CSMD3: variants seen among roughly 807,000 people sequenced by gnomAD.
The protein encoded by CSMD3 is CUB and Sushi multiple domains 3, also known as CUB and sushi domain-containing protein 3.
In CSMD3, 177 loss-of-function variants were observed where a neutral mutation model predicts 435.2. The observed-to-expected ratio is 0.41, with a 90% CI of 0.36 to 0.46. The LOEUF (loss-of-function observed/expected upper bound fraction) is 0.46. Among genes scored for constraint, CSMD3 ranks in the 20% least tolerant of loss-of-function variants. The probability of loss-of-function intolerance (pLI) is 0.34; values close to 1 mark genes in which losing one functional copy is unlikely to be tolerated. For missense variants in CSMD3, 4,265 were observed against 4,504.6 expected, an observed-to-expected ratio of 0.95 and a Z score of 1.52; for synonymous variants, 1,656 against 1,520.5, an observed-to-expected ratio of 1.09 and a Z score of -2.07.
At chr8:112,573,855 C>T (rs1254679053) in intron 23 of CSMD3, among the ~76,000 whole-genome samples, 198 bp from the exon 24 acceptor site, 3 of 151,842 alleles carry the variant, frequency 2.0e-5, no homozygotes, top group African/African-American at 4.8e-5. Context: ...TTTTAAAATT[C>T]CAAGCTTAGT....
chr8:112,391,561 G>A (rs895373616), intron 35 of CSMD3, among the ~76,000 whole-genome samples: 3 of 152,010 alleles, frequency 2.0e-5, no homozygotes, highest in African/African-American at 7.2e-5. Context: ...ACGTGATGGT[G>A]GGCGCCTGTA....
intron 3 of CSMD3, among the ~76,000 whole-genome samples, chr8:113,197,925 AT>A (rs1198651837): frequency 6.6e-6 from 1 of 151,378 alleles, no homozygotes; most frequent in Non-Finnish European, 1.5e-5. Context: ...CCATAAGAGG[AT>A]TCAGCACTGG....
intron 1 of CSMD3, among the ~76,000 whole-genome samples, chr8:113,315,359 T>C (rs2093901220): frequency 6.6e-6 from 1 of 152,100 alleles, no homozygotes; most frequent in South Asian, 2.1e-4. Context: ...CATTAAAATA[T>C]TTAGTCCATG....
intron 3 of CSMD3, among the ~76,000 whole-genome samples, chr8:113,183,303 A>T (rs1296628621): frequency 2.0e-5 from 3 of 152,060 alleles, no homozygotes; most frequent in Non-Finnish European, 4.4e-5. Flanking sequence ...TGACAACCAG[A>T]GTTTTGCAGA....
At chr8:112,894,338 C>T (rs1254109942) in intron 10 of CSMD3, among the ~76,000 whole-genome samples, 8 of 151,396 alleles carry the variant, frequency 5.3e-5, no homozygotes, top group East Asian at 3.9e-4. Flanking sequence ...CATCTTGTCA[C>T]GTTTAGTTGT....
chr8:112,308,137 T>C (rs779265266), intron 50 of CSMD3, among the ~76,000 whole-genome samples: 33 of 152,140 alleles, frequency 2.2e-4, no homozygotes, highest in South Asian at 6.2e-4. Context: ...AATTATGTTA[T>C]TATCCCTGCT....
intron 39 of CSMD3, 80 bp downstream of exon 39, chr8:112,352,336 C>T (rs961614622): frequency 8.8e-6 from 14 of 1,598,672 alleles, no homozygotes; most frequent in African/African-American, 4.0e-5. Flanking sequence ...TTGTAAAACC[C>T]GTGGCTTATC....
intron 18 of CSMD3, among the ~76,000 whole-genome samples, chr8:112,654,937 A>G (rs1231012502): frequency 1.3e-5 from 2 of 152,220 alleles, no homozygotes; most frequent in African/African-American, 4.8e-5. Flanking sequence ...TTTAGTAAAT[A>G]CATGTTAGAC....
chr8:113,101,283 T>G (rs2090322847), intron 4 of CSMD3, among the ~76,000 whole-genome samples: 1 of 152,194 alleles, frequency 6.6e-6, no homozygotes, highest in South Asian at 2.1e-4. Flanking sequence ...CCTCACCTTT[T>G]GAGATTGGCC....
intron 42 of CSMD3, 27 bp downstream of exon 42, chr8:112,341,450 A>T (rs116844930): frequency 5.6e-6 from 8 of 1,430,934 alleles, no homozygotes; most frequent in Middle Eastern, 1.8e-4. Context: ...GGTTATATAA[A>T]TTTTCATTTT....
At chr8:112,373,152 C>T (rs1027791305) in intron 38 of CSMD3, among the ~76,000 whole-genome samples, 1 of 151,636 alleles carries the variant, frequency 6.6e-6, no homozygotes, top group African/African-American at 2.4e-5. Flanking sequence ...ATTTAAAATA[C>T]TCCTTTAGGA....
intron 2 of CSMD3, among the ~76,000 whole-genome samples, chr8:113,286,968 G>A (rs568785871): frequency 1.4e-5 from 2 of 148,040 alleles, no homozygotes; most frequent in South Asian, 2.1e-4. Flanking sequence ...GAAGAGGAGA[G>A]AGAGAGAGAG....
intron 16 of CSMD3, among the ~76,000 whole-genome samples, chr8:112,674,793 A>G (rs1412745749): frequency 6.6e-6 from 1 of 152,164 alleles, no homozygotes; most frequent in Non-Finnish European, 1.5e-5. Flanking sequence ...CCATTCTCTA[A>G]GAGGGATTCT....
At chr8:112,889,122 G>C (rs1178735064) in intron 10 of CSMD3, among the ~76,000 whole-genome samples, 2 of 151,494 alleles carry the variant, frequency 1.3e-5, no homozygotes, top group African/African-American at 2.4e-5. Flanking sequence ...GCATGCCCTG[G>C]GTTTCTCTCC....
chr8:112,287,010 G>T lies in CSMD3; in HGVS notation c.9331+54C>A, dbSNP rs1819271706. 4 of 1,399,150 alleles carry T rather than the reference G, an allele frequency of 2.9e-6. No individual in the cohort carries two copies. The Admixed American group carries it at 5.0e-5, about 18-fold the overall frequency. 86.7% of individuals were successfully genotyped at this position (1,399,150 alleles called of 1,614,324 possible). A position where few individuals can be genotyped will look rare whatever the true frequency, so the allele number is the denominator to read the frequency against. On this transcript the variant is annotated intron_variant, in intron 58 of 70. Coordinates refer to ENST00000297405, the MANE Select transcript of CSMD3 (RefSeq NM_198123.2). Reference sequence around the variant, plus strand: ...TCCTAGTAGTACTCATCTGGATTTAGATACACACTAAAATCCAGTAGTTGC... The same window carrying T: ...TCCTAGTAGTACTCATCTGGATTTATATACACACTAAAATCCAGTAGTTGC...
rs66517203 is a variant in CSMD3 at position 112,494,494 on chromosome 8, C to CCTTTCTTTCTTT, written c.5084-1823_5084-1812dup. 6.0e-3 allele frequency among the ~76,000 whole-genome samples: 240 copies of CCTTTCTTTCTTT among 40,104 alleles called. 2 individuals are homozygous for CCTTTCTTTCTTT. The highest frequency in any genetic ancestry group is 8.4e-3 in the East Asian group (17 of 2,012). 26.3% of individuals were successfully genotyped at this position (40,104 alleles called of 152,430 possible). A position where few individuals can be genotyped will look rare whatever the true frequency, so the allele number is the denominator to read the frequency against. On this transcript the variant is annotated intron_variant, in intron 30 of 70. Transcript: ENST00000297405. ...TTTCTTTTCTTTTGTTTCTTTCTCT[C>CCTTTCTTTCTTT]CTTTCTTTCTTTCTTTCTTTCTTTC...
At chr8:113,103,067 A>G (rs1443383166) in intron 4 of CSMD3, among the ~76,000 whole-genome samples, 1 of 152,142 alleles carries the variant, frequency 6.6e-6, no homozygotes, top group Non-Finnish European at 1.5e-5. Context: ...TTTTTATCTC[A>G]TTATCTTCAA....
At chr8:113,327,366 C>G (rs545090323) in intron 1 of CSMD3, among the ~76,000 whole-genome samples, 55 of 152,094 alleles carry the variant, frequency 3.6e-4, no homozygotes, top group Non-Finnish European at 2.9e-5. Flanking sequence ...AATATACTGG[C>G]AAAAATGGTC....
At chr8:112,803,690 A>G (rs1322426776) in intron 12 of CSMD3, among the ~76,000 whole-genome samples, 2 of 152,178 alleles carry the variant, frequency 1.3e-5, no homozygotes, top group Non-Finnish European at 2.9e-5. Context: ...TCTTGTCACA[A>G]TGTGAGAAAG....
Sources: allele counts gnomAD v4.1 joint callset (sites outside exome capture counted in the v4.1 genomes callset), GRCh38; gene constraint gnomAD v4.1.1; transcripts MANE v1.5; gene names NCBI Gene and HGNC (gene_info 2026-07-23, HGNC 2026-07-21).